The following STYXL1 variants were observed in gnomAD, a reference collection of about 807,000 sequenced individuals.
The protein encoded by STYXL1 is serine/threonine/tyrosine interacting like 1.
Under a neutral mutation model 36.4 loss-of-function variants are expected in STYXL1, and 32 were observed. The ratio of observed to expected loss-of-function variants is 0.88; its 90% CI spans 0.66 to 1.18. The LOEUF (loss-of-function observed/expected upper bound fraction) is 1.18. Ranked by LOEUF, STYXL1 falls within the 50% of genes most tolerant of loss-of-function variation. The pLI is 0.00. For missense variants in STYXL1, 354 were observed against 394.1 expected, an observed-to-expected ratio of 0.90 and a Z score of 0.86; for synonymous variants, 133 against 144.1, an observed-to-expected ratio of 0.92 and a Z score of 0.55.
chr7:76,012,660 G>T (rs1554572532), intron 5 of STYXL1, among the ~76,000 whole-genome samples: 1 of 152,176 alleles, frequency 6.6e-6, no homozygotes, highest in South Asian at 2.1e-4. Context: ...CTCCAAAAGT[G>T]CTGGGATTAT....
intron 2 of STYXL1, among the ~76,000 whole-genome samples, chr7:76,029,300 C>T (rs1795069974): frequency 6.6e-6 from 1 of 151,950 alleles, no homozygotes; most frequent in East Asian, 2.0e-4. Flanking sequence ...GCACATGCCA[C>T]CACACCCGGC....
intron 1 of STYXL1, among the ~76,000 whole-genome samples, chr7:76,046,361 T>A (rs2116582322): frequency 7.5e-6 from 1 of 133,624 alleles, no homozygotes; most frequent in African/African-American, 2.9e-5. Flanking sequence ...CGCGCGCGCT[T>A]TTGAGCCGGA....
At chr7:76,016,140 A>G (rs1431829139) in intron 4 of STYXL1, among the ~76,000 whole-genome samples, 5 of 152,030 alleles carry the variant, frequency 3.3e-5, no homozygotes, top group African/African-American at 9.7e-5. Context: ...ATCTATACAT[A>G]TGTACATGTA....
intron 2 of STYXL1, 143 bp downstream of exon 2, chr7:76,030,278 C>A (rs782611382): frequency 1.6e-6 from 1 of 633,518 alleles, no homozygotes; most frequent in Admixed American, 2.4e-5. Flanking sequence ...GGATTACAGG[C>A]GTGTGCCACC....
At chr7:76,029,340 T>A (rs1194618975) in intron 2 of STYXL1, among the ~76,000 whole-genome samples, 5 of 151,488 alleles carry the variant, frequency 3.3e-5, no homozygotes, top group Admixed American at 6.6e-5. Context: ...AGAGACGGGG[T>A]TTCACCATGT....
intron 1 of STYXL1, among the ~76,000 whole-genome samples, chr7:76,037,042 C>T (rs1179690327): frequency 1.3e-5 from 2 of 149,976 alleles, no homozygotes; most frequent in Non-Finnish European, 3.0e-5. Flanking sequence ...CCTCGGCCTA[C>T]CAAAGTGCTA....
chr7:76,005,444 C>T, intron 5 of STYXL1, 40 bp from the exon 6 acceptor site: 2 of 1,552,928 alleles, frequency 1.3e-6, no homozygotes, highest in Non-Finnish European at 8.8e-7. Flanking sequence ...GAGCATATTC[C>T]TCAGGGAAGA....
At chr7:76,014,518 A>T (rs1319563081) in intron 4 of STYXL1, among the ~76,000 whole-genome samples, 1 of 151,168 alleles carries the variant, frequency 6.6e-6, no homozygotes, top group Non-Finnish European at 1.5e-5. Context: ...CACCTGGCTA[A>T]ATTTTGTATT....
intron 3 of STYXL1, among the ~76,000 whole-genome samples, chr7:76,026,759 A>T (rs1794765528): frequency 6.6e-6 from 1 of 152,240 alleles, no homozygotes. Flanking sequence ...CCAAAGAGAT[A>T]GAAAATAAAC....
rs570494555 is a variant in STYXL1 at position 76,010,632 on chromosome 7, G to C, written c.453+3110C>G. On this transcript the variant is annotated intron_variant, in intron 5 of 8. Coordinates refer to ENST00000359697, the MANE Select transcript of STYXL1 (RefSeq NM_001317785.2). ...ACCAGCAGCTCACACAGCCAGACGGGGCCAGAGAGCAGGCACTTTCCCACC... is the reference window on the plus strand; with the variant it reads ...ACCAGCAGCTCACACAGCCAGACGGCGCCAGAGAGCAGGCACTTTCCCACC... Among the ~76,000 whole-genome samples the C allele has an allele frequency of 3.3e-5, 5 of 152,218 alleles. 1 individual carries two copies. The South Asian group carries it at 1.0e-3, about 32-fold the overall frequency.
At chr7:76,024,092 C>T (rs1205326486) in intron 3 of STYXL1, among the ~76,000 whole-genome samples, 25 of 152,030 alleles carry the variant, frequency 1.6e-4, no homozygotes, top group Non-Finnish European at 3.2e-4. Flanking sequence ...TGTCCAGGCT[C>T]GTCTCAAACT....
intron 1 of STYXL1, among the ~76,000 whole-genome samples, chr7:76,038,582 C>A (rs531308922): frequency 1.3e-5 from 2 of 151,356 alleles, no homozygotes; most frequent in Non-Finnish European, 2.9e-5. Context: ...TCTGCCACCA[C>A]GCCTGGCTTT....
chr7:76,021,008 G>A (rs1793988693), intron 4 of STYXL1, among the ~76,000 whole-genome samples: 1 of 152,070 alleles, frequency 6.6e-6, no homozygotes, highest in South Asian at 2.1e-4. Flanking sequence ...CACCTTGCTT[G>A]CTCTCCAACC....
chr7:76,018,707 T>C (rs915198411), intron 4 of STYXL1, among the ~76,000 whole-genome samples: 1 of 152,244 alleles, frequency 6.6e-6, no homozygotes, highest in Non-Finnish European at 1.5e-5. Flanking sequence ...TTCCTTTTTA[T>C]GGCTGAGTAA....
At chr7:76,021,025 C>T (rs1554575968) in intron 4 of STYXL1, among the ~76,000 whole-genome samples, 1 of 152,172 alleles carries the variant, frequency 6.6e-6, no homozygotes, top group African/African-American at 2.4e-5. Flanking sequence ...AACCTGCTTG[C>T]TCACAGCTGT....
chr7:76,045,641 A>G (rs1378107892), intron 1 of STYXL1: 1 of 152,346 alleles, frequency 6.6e-6, no homozygotes, highest in Non-Finnish European at 1.5e-5. Context: ...GGTTGCAGTG[A>G]GCCGAGATCG....
intron 8 of STYXL1, among the ~76,000 whole-genome samples, chr7:75,999,798 G>A (rs1023659676): frequency 1.3e-5 from 2 of 151,926 alleles, no homozygotes; most frequent in Non-Finnish European, 2.9e-5. Context: ...TGCCCGCCTC[G>A]GCCTCCCACA....
At position 76,013,722 on chromosome 7, in the gene STYXL1, TG is replaced by T. The variant is rs782700056; in HGVS notation, c.453+19del. The T allele has an allele frequency of 3.4e-5, 55 of 1,613,696 alleles. No individual in the cohort carries two copies. The highest frequency in any genetic ancestry group is 4.6e-5 in the Non-Finnish European group (54 of 1,179,830). The stretch of plus-strand genomic sequence containing the variant: ...CATCCTTCCCGTCTGGGCCTGCCTG[TG>T]CTCAGCATTTGGCCCTACCTGAGGC... On this transcript the variant is annotated intron_variant, in intron 5 of 8. Coordinates refer to ENST00000359697, the MANE Select transcript of STYXL1 (RefSeq NM_001317785.2).
intron 8 of STYXL1, chr7:75,998,634 G>A (rs562462277): frequency 1.3e-5 from 2 of 152,198 alleles, no homozygotes; most frequent in South Asian, 2.1e-4. Context: ...AAGACCATTC[G>A]ATGGGGGAAA....
Sources: allele counts gnomAD v4.1 joint callset (sites outside exome capture counted in the v4.1 genomes callset), GRCh38; gene constraint gnomAD v4.1.1; transcripts MANE v1.5; gene names NCBI Gene and HGNC (gene_info 2026-07-23, HGNC 2026-07-21).